Variants in ZNF782 observed in about 807,000 individuals in gnomAD.
The protein encoded by ZNF782 is zinc finger protein 782.
A neutral mutation model predicts 13.0 loss-of-function variants in ZNF782; 12 were observed. The observed-to-expected ratio is 0.92, with a 90% CI of 0.59 to 1.50. The LOEUF (loss-of-function observed/expected upper bound fraction) is 1.50, where lower values mean the gene tolerates loss of function less well. Among genes scored for constraint, ZNF782 ranks in the 40% most tolerant of loss-of-function variants. The pLI, the probability that ZNF782 is intolerant of heterozygous loss-of-function variation, is 0.00. For synonymous variants in ZNF782, 284 were observed against 283.0 expected, an observed-to-expected ratio of 1.00 and a Z score of -0.04; for missense variants, 770 against 822.9, an observed-to-expected ratio of 0.94 and a Z score of 0.79.
At chr9:96,875,236 T>C (rs968789038) in intron 1 of ZNF782, among the ~76,000 whole-genome samples, 1 of 152,214 alleles carries the variant, frequency 6.6e-6, no homozygotes, top group Non-Finnish European at 1.5e-5. Context: ...GCCGGCCTCA[T>C]AGAGTACTTG....
chr9:96,874,384 A>C (rs966252787), intron 1 of ZNF782, among the ~76,000 whole-genome samples: 1 of 152,224 alleles, frequency 6.6e-6, no homozygotes, highest in African/African-American at 2.4e-5. Context: ...GGTTATGGAC[A>C]GGTGTGAGAG....
At chr9:96,864,809 A>G (rs1033183829) in intron 1 of ZNF782, among the ~76,000 whole-genome samples, 15 of 150,874 alleles carry the variant, frequency 9.9e-5, no homozygotes, top group South Asian at 4.2e-4. Flanking sequence ...AGGTGGGAGT[A>G]TCACTTGATC....
chr9:96,850,853 T>C lies in ZNF782; in HGVS notation c.15+1094A>G, dbSNP rs986355739. Among the ~76,000 whole-genome samples the C allele has an allele frequency of 1.3e-5, 2 of 152,308 alleles. No homozygotes were observed. The highest frequency in any genetic ancestry group is 1.3e-4 in the Admixed American group (2 of 15,296). ...TTGAAAATTTCAAATACGTTTTGTA[T>C]TAAAATTGAAAAATCTTTCCAGTTT... On this transcript the variant is annotated intron_variant, in intron 3 of 5. Transcript: ENST00000481138. The surrounding 1 kb of genome is among the most constrained non-coding windows in gnomAD (Gnocchi z 4.3).
chr9:96,928,023 A>G, the ZNF782 span, among the ~76,000 whole-genome samples: 1 of 146,672 alleles, frequency 6.8e-6, no homozygotes. Flanking sequence ...TTTTGATTGC[A>G]TAATATATCT....
the ZNF782 span, among the ~76,000 whole-genome samples, chr9:96,883,160 A>G: frequency 6.6e-6 from 1 of 152,202 alleles, no homozygotes; most frequent in Non-Finnish European, 1.5e-5. Flanking sequence ...ACGAAACACC[A>G]AGGACAATAT....
At chr9:96,848,897 G>C (rs2118777735) in intron 3 of ZNF782, among the ~76,000 whole-genome samples, 1 of 152,220 alleles carries the variant, frequency 6.6e-6, no homozygotes, top group East Asian at 1.9e-4. Context: ...CAAATCTGGA[G>C]GCACCACAAT....
chr9:96,903,556 G>GTTT, the ZNF782 span, among the ~76,000 whole-genome samples: 3,871 of 75,282 alleles, frequency 0.051, 310 homozygotes, highest in Middle Eastern at 0.071. Flanking sequence ...TTTTATGTTG[G>GTTT]TTTTTTTTTT....
upstream of ZNF782, among the ~76,000 whole-genome samples, chr9:96,876,828 A>C (rs897048938): frequency 2.0e-5 from 3 of 151,904 alleles, no homozygotes; most frequent in South Asian, 6.3e-4. Context: ...CAACACGGTG[A>C]AACCACGTCT....
chr9:96,892,802 C>T, the ZNF782 span: 4 of 151,590 alleles, frequency 2.6e-5, no homozygotes, highest in South Asian at 2.1e-4. Context: ...TTATATCATT[C>T]GTGAACATTT....
chr9:96,867,628 T>C (rs1395296394), intron 1 of ZNF782, among the ~76,000 whole-genome samples: 1 of 152,226 alleles, frequency 6.6e-6, no homozygotes, highest in African/African-American at 2.4e-5. Context: ...TTAAAGAGTT[T>C]TACTGCCCTG....
chr9:96,869,136 G>T (rs1851794965), intron 1 of ZNF782, among the ~76,000 whole-genome samples: 1 of 151,958 alleles, frequency 6.6e-6, no homozygotes, highest in Admixed American at 6.6e-5. Flanking sequence ...ATCATATTAA[G>T]AAGTGATTAG....
the ZNF782 span, among the ~76,000 whole-genome samples, chr9:96,903,602 G>A: frequency 4.5e-5 from 5 of 110,050 alleles, no homozygotes; most frequent in South Asian, 3.1e-4. Flanking sequence ...TAGCTCTGTC[G>A]CCCAGGCTGG....
At chr9:96,880,969 TACTTA>T in the ZNF782 span, among the ~76,000 whole-genome samples, 55 of 152,316 alleles carry the variant, frequency 3.6e-4, no homozygotes, top group African/African-American at 1.2e-3. Flanking sequence ...AATATAAAAC[TACTTA>T]AATTATCTAT....
chr9:96,920,695 T>C, the ZNF782 span, among the ~76,000 whole-genome samples: 1 of 148,630 alleles, frequency 6.7e-6, no homozygotes, highest in Admixed American at 6.7e-5. Context: ...GGCAGGCGGA[T>C]CCAGGGTCAG....
chr9:96,862,732 G>T (rs1283180814), intron 1 of ZNF782, among the ~76,000 whole-genome samples: 1 of 152,200 alleles, frequency 6.6e-6, no homozygotes, highest in African/African-American at 2.4e-5. Context: ...AAACAAATAG[G>T]TGTACTTTGA....
the ZNF782 span, among the ~76,000 whole-genome samples, chr9:96,912,589 C>A: frequency 7.9e-5 from 12 of 151,694 alleles, no homozygotes; most frequent in African/African-American, 2.4e-4. Context: ...AGTGCAGTGG[C>A]ACGATCTTGG....
Position 96,819,319 on chromosome 9 carries a change from C to G in ZNF782, c.704G>C (p.Ser235Thr), listed in dbSNP as rs745930116. 1 of 1,608,694 alleles carries G rather than the reference C, an allele frequency of 6.2e-7. No homozygotes were observed. ...LEKAALVTSN[S>T]THPKGKSYNF... ...GTAAGATTTTCCTTTTGGGTGGGTA[C>G]TGTTAGATGTAACAAGGGCAGCCTT... is the stretch of plus-strand genomic sequence containing the variant. Residue 235 changes from serine (S) to threonine (T), a missense_variant, in exon 6 of 6, where the codon AGT becomes ACT. Transcript: ENST00000481138.
chr9:96,820,924 G>A (rs1850397521), intron 5 of ZNF782, among the ~76,000 whole-genome samples: 2 of 152,260 alleles, frequency 1.3e-5, no homozygotes, highest in Middle Eastern at 3.4e-3. Flanking sequence ...CCTAAAACCA[G>A]CTTTGTCTTT....
the ZNF782 span, chr9:96,890,052 T>C: frequency 2.0e-5 from 3 of 152,326 alleles, no homozygotes; most frequent in African/African-American, 7.2e-5. Context: ...TAGCAATCCA[T>C]GTGCTGTGGC....
Sources: allele counts gnomAD v4.1 joint callset (sites outside exome capture counted in the v4.1 genomes callset), GRCh38; gene constraint gnomAD v4.1.1; non-coding constraint Gnocchi (gnomAD v3.1); transcripts MANE v1.5; gene names NCBI Gene and HGNC (gene_info 2026-07-23, HGNC 2026-07-21).